Variants in ARK2C observed in about 807,000 individuals in gnomAD.
ARK2C encodes arkadia (RNF111) C-terminal like ring finger ubiquitin ligase 2C.
the ARK2C span, among the ~76,000 whole-genome samples, chr18:46,381,985 G>T: frequency 1.3e-5 from 2 of 152,186 alleles, no homozygotes; most frequent in African/African-American, 4.8e-5. Context: ...TAGGTCTCAG[G>T]GGTGAGATGC....
At chr18:46,365,226 G>A in the ARK2C span, among the ~76,000 whole-genome samples, 1 of 152,212 alleles carries the variant, frequency 6.6e-6, no homozygotes, top group Non-Finnish European at 1.5e-5. Flanking sequence ...AGTGGCCTAA[G>A]CTCAGACCTT....
chr18:46,400,200 C>T, the ARK2C span, among the ~76,000 whole-genome samples: 1 of 152,180 alleles, frequency 6.6e-6, no homozygotes, highest in Admixed American at 6.5e-5. Context: ...TGCTGGTCAC[C>T]CCTCTCATGG....
the ARK2C span, among the ~76,000 whole-genome samples, chr18:46,420,250 A>AC: frequency 8.5e-5 from 13 of 152,172 alleles, no homozygotes; most frequent in African/African-American, 3.1e-4. Flanking sequence ...CTTCCCCATC[A>AC]TCACACATCA....
the ARK2C span, among the ~76,000 whole-genome samples, chr18:46,367,007 G>A: frequency 1.3e-4 from 20 of 152,074 alleles, no homozygotes; most frequent in Non-Finnish European, 2.5e-4. Context: ...GAAATTCATC[G>A]TATACTTAGT....
At chr18:46,426,908 T>C in the ARK2C span, among the ~76,000 whole-genome samples, 2 of 152,236 alleles carry the variant, frequency 1.3e-5, no homozygotes, top group African/African-American at 4.8e-5. Context: ...TGTCTATTAA[T>C]GGGGTATTTG....
At chr18:46,355,945 T>C in the ARK2C span, among the ~76,000 whole-genome samples, 5 of 152,112 alleles carry the variant, frequency 3.3e-5, no homozygotes, top group Admixed American at 3.3e-4. Flanking sequence ...TGGGCCTCTG[T>C]AGTGGGCGGA....
At chr18:46,446,916 GT>G in the ARK2C span, among the ~76,000 whole-genome samples, 5 of 152,026 alleles carry the variant, frequency 3.3e-5, no homozygotes, top group Non-Finnish European at 7.4e-5. Context: ...CCCTAATAGT[GT>G]TTTGATAGTT....
At chr18:46,391,418 A>C in the ARK2C span, among the ~76,000 whole-genome samples, 1 of 152,102 alleles carries the variant, frequency 6.6e-6, no homozygotes, top group Non-Finnish European at 1.5e-5. Flanking sequence ...GGCTCACTGT[A>C]TGCTCTCAGA....
At chr18:46,334,551 T>G in the ARK2C span, 1 of 494,314 alleles carries the variant, frequency 2.0e-6, no homozygotes, top group African/African-American at 2.0e-5. The surrounding 1 kb of genome is among the most constrained non-coding windows in gnomAD (Gnocchi z 4.4). Context: ...TTTGGCGAAT[T>G]TGGGTCCCTT....
chr18:46,370,910 T>C, the ARK2C span, among the ~76,000 whole-genome samples: 3 of 152,072 alleles, frequency 2.0e-5, no homozygotes, highest in Non-Finnish European at 4.4e-5. Context: ...GATGGGCACA[T>C]TGTGGGAGAG....
chr18:46,418,286 G>T, the ARK2C span, among the ~76,000 whole-genome samples: 1 of 152,130 alleles, frequency 6.6e-6, no homozygotes, highest in Non-Finnish European at 1.5e-5. Flanking sequence ...GAGCCCAGGA[G>T]ACAGAAGCTG....
chr18:46,454,856 G>A, the ARK2C span, among the ~76,000 whole-genome samples: 2 of 152,166 alleles, frequency 1.3e-5, no homozygotes, highest in African/African-American at 4.8e-5. Context: ...TTTCGCTCAC[G>A]ACTAGATTTC....
chr18:46,366,292 C>CAAAAAAAA, the ARK2C span, among the ~76,000 whole-genome samples: 1 of 54,494 alleles, frequency 1.8e-5, no homozygotes, highest in Non-Finnish European at 3.7e-5. Context: ...AACTCTGGCT[C>CAAAAAAAA]AAAAAAAAAA....
the ARK2C span, among the ~76,000 whole-genome samples, chr18:46,375,595 A>G: frequency 7.0e-6 from 1 of 142,404 alleles, no homozygotes; most frequent in Admixed American, 7.0e-5. Flanking sequence ...AATAATAATA[A>G]TAACTTGTCC....
chr18:46,462,665 G>C, the ARK2C span: 1 of 152,670 alleles, frequency 6.6e-6, no homozygotes, highest in Non-Finnish European at 1.5e-5. Context: ...TGCTGGGCCT[G>C]GCAGACACCA....
chr18:46,391,758 A>ACACACG, the ARK2C span, among the ~76,000 whole-genome samples: 1 of 151,960 alleles, frequency 6.6e-6, no homozygotes, highest in Admixed American at 6.6e-5. Context: ...CCACAAACAC[A>ACACACG]CACACGCACA....
the ARK2C span, among the ~76,000 whole-genome samples, chr18:46,439,283 G>A: frequency 1.3e-3 from 203 of 152,328 alleles, 1 homozygote; most frequent in African/African-American, 4.6e-3. Flanking sequence ...AGGGCAATGC[G>A]TAGCCAAACC....
At chr18:46,454,161 C>T in the ARK2C span, among the ~76,000 whole-genome samples, 5 of 104,554 alleles carry the variant, frequency 4.8e-5, no homozygotes, top group Non-Finnish European at 1.0e-4. Context: ...GTTAATGAAA[C>T]GAGAAGATAT....
At chr18:46,453,221 C>A in the ARK2C span, among the ~76,000 whole-genome samples, 1 of 152,158 alleles carries the variant, frequency 6.6e-6, no homozygotes, top group Non-Finnish European at 1.5e-5. Context: ...GAGGAAATGG[C>A]AGCATTTCAG....
Sources: allele counts gnomAD v4.1 joint callset (sites outside exome capture counted in the v4.1 genomes callset), GRCh38; gene constraint gnomAD v4.1.1; non-coding constraint Gnocchi (gnomAD v3.1); transcripts MANE v1.5; gene names NCBI Gene and HGNC (gene_info 2026-07-23, HGNC 2026-07-21).